Variants in SBF2 observed in about 807,000 individuals in gnomAD.
The protein encoded by SBF2 is myotubularin-related protein 13.
SBF2 carries 112 observed loss-of-function variants against 225.2 expected under a neutral mutation model. The ratio of observed to expected loss-of-function variants is 0.50; its 90% CI spans 0.43 to 0.58. SBF2 has a LOEUF of 0.58. Ranked by LOEUF, SBF2 falls within the 20% of genes least tolerant of loss-of-function variation. The pLI is 0.00. For missense variants in SBF2, 1,996 were observed against 2,206.2 expected (o/e 0.90, Z 1.91); for synonymous variants, 763 against 773.3 (o/e 0.99, Z 0.22).
intron 16 of SBF2, among the ~76,000 whole-genome samples, chr11:9,925,672 T>C (rs910422095): frequency 2.6e-5 from 4 of 152,250 alleles, no homozygotes; most frequent in Admixed American, 2.0e-4. Context: ...ATTAGACACA[T>C]TTCACCTAGT....
chr11:9,892,444 C>T (rs182236410), intron 17 of SBF2, among the ~76,000 whole-genome samples: 5 of 152,108 alleles, frequency 3.3e-5, no homozygotes, highest in African/African-American at 1.2e-4. Flanking sequence ...CTCATTCCCA[C>T]TCCTTTTCCC....
At chr11:9,983,800 C>T (rs750943979) in intron 13 of SBF2, among the ~76,000 whole-genome samples, 2 of 152,158 alleles carry the variant, frequency 1.3e-5, no homozygotes, top group Non-Finnish European at 2.9e-5. Context: ...CAGGGAGACT[C>T]GCTGGGTGGC....
intron 2 of SBF2, among the ~76,000 whole-genome samples, chr11:10,110,406 C>A (rs1952782063): frequency 6.6e-6 from 1 of 151,960 alleles, no homozygotes; most frequent in Non-Finnish European, 1.5e-5. Context: ...AATTTTAAAA[C>A]AATTTTTGCT....
chr11:10,200,828 TTA>T (rs1491413477), intron 1 of SBF2, among the ~76,000 whole-genome samples: 1 of 152,212 alleles, frequency 6.6e-6, no homozygotes, highest in Non-Finnish European at 1.5e-5. Flanking sequence ...TGGAAATTAA[TTA>T]TGTTATATTA....
chr11:9,908,785 C>T (rs1862334161), intron 16 of SBF2, among the ~76,000 whole-genome samples: 1 of 151,876 alleles, frequency 6.6e-6, no homozygotes, highest in South Asian at 2.1e-4. Context: ...GTAGCCTTGA[C>T]CTCCCGAGTT....
intron 26 of SBF2, among the ~76,000 whole-genome samples, chr11:9,832,734 C>T (rs972490578): frequency 1.3e-5 from 2 of 152,106 alleles, no homozygotes; most frequent in African/African-American, 4.8e-5. Flanking sequence ...AGCCATTGTG[C>T]CTGGCCAACA....
intron 17 of SBF2, among the ~76,000 whole-genome samples, chr11:9,880,084 TAAAAAA>T (rs58140393): frequency 3.8e-5 from 2 of 52,006 alleles, no homozygotes; most frequent in Non-Finnish European, 6.9e-5. Context: ...CTCTGTCTCA[TAAAAAA>T]AAAAAAAAAA....
At chr11:10,166,961 CCACACA>C (rs373552790) in intron 2 of SBF2, among the ~76,000 whole-genome samples, 6 of 125,902 alleles carry the variant, frequency 4.8e-5, no homozygotes, top group Non-Finnish European at 8.2e-5. Flanking sequence ...GACTCTGTCT[CCACACA>C]CACACACACA....
At chr11:9,835,131 T>C (rs1464610518) in intron 26 of SBF2, among the ~76,000 whole-genome samples, 1 of 152,160 alleles carries the variant, frequency 6.6e-6, no homozygotes, top group East Asian at 1.9e-4. Context: ...AGCTCTGGGC[T>C]CCACAGTTAA....
At chr11:9,922,075 C>T (rs1459674459) in intron 16 of SBF2, among the ~76,000 whole-genome samples, 2 of 151,470 alleles carry the variant, frequency 1.3e-5, no homozygotes, top group Non-Finnish European at 2.9e-5. Context: ...AGTGGGACTC[C>T]GATTGTACAA....
At chr11:10,132,747 C>A (rs535598759) in intron 2 of SBF2, among the ~76,000 whole-genome samples, 4 of 148,792 alleles carry the variant, frequency 2.7e-5, no homozygotes, top group Non-Finnish European at 5.9e-5. Flanking sequence ...AATGCTGGCT[C>A]GGGCAGCCTG....
chr11:9,945,097 T>C (rs981247509), intron 16 of SBF2, among the ~76,000 whole-genome samples: 5 of 151,944 alleles, frequency 3.3e-5, no homozygotes, highest in African/African-American at 1.2e-4. Flanking sequence ...AGAGCCAAGA[T>C]TCTATCTCAA....
intron 2 of SBF2, among the ~76,000 whole-genome samples, chr11:10,061,648 T>C (rs1950450177): frequency 6.6e-6 from 1 of 151,898 alleles, no homozygotes; most frequent in Non-Finnish European, 1.5e-5. Flanking sequence ...AGGTGAAAGA[T>C]CTCTACAATG....
chr11:9,902,119 A>T (rs902042906), intron 16 of SBF2, among the ~76,000 whole-genome samples: 21 of 152,328 alleles, frequency 1.4e-4, no homozygotes, highest in African/African-American at 4.8e-4. Context: ...CCATTAATGC[A>T]GCCAGGCCTT....
At chr11:10,007,531 T>A (rs1057329635) in intron 6 of SBF2, among the ~76,000 whole-genome samples, 1 of 152,186 alleles carries the variant, frequency 6.6e-6, no homozygotes, top group Non-Finnish European at 1.5e-5. Flanking sequence ...AAATCCCCTA[T>A]GTACAGGCCT....
At chr11:10,185,872 C>CATATAT (rs933710053) in intron 2 of SBF2, among the ~76,000 whole-genome samples, 1 of 152,050 alleles carries the variant, frequency 6.6e-6, no homozygotes, top group African/African-American at 2.4e-5. Context: ...CATACATACA[C>CATATAT]ATATATATAA....
chr11:9,845,374 A>G (rs1856464380), intron 24 of SBF2, among the ~76,000 whole-genome samples, 191 bp downstream of exon 24: 2 of 152,224 alleles, frequency 1.3e-5, no homozygotes, highest in African/African-American at 4.8e-5. Flanking sequence ...GGTAGCTTTT[A>G]GTTTTTGAAA....
intron 28 of SBF2, among the ~76,000 whole-genome samples, chr11:9,825,166 G>A (rs549162407): frequency 3.9e-5 from 6 of 152,070 alleles, no homozygotes; most frequent in African/African-American, 1.4e-4. Context: ...GAGTAGAATG[G>A]GCCCCTAATT....
At position 10,230,701 on chromosome 11, in the gene SBF2, C is replaced by G. The variant is rs568543258; in HGVS notation, c.56-36714G>C. Among the ~76,000 whole-genome samples, 3 of 152,234 alleles carry G rather than the reference C, an allele frequency of 2.0e-5. No homozygotes were observed. The East Asian group carries it at 5.8e-4, about 29-fold the overall frequency. ...ATCCGCTGTTAGTCTGATGGGCTTC[C>G]CTTTGTGGGTAACCCGACCTTTCTC... is the stretch of plus-strand genomic sequence containing the variant. On this transcript the variant is annotated intron_variant, in intron 1 of 39. Coordinates refer to ENST00000256190, the MANE Select transcript of SBF2 (RefSeq NM_030962.4).
Sources: gnomAD v4.1 joint callset for allele counts (sites outside exome capture counted in the v4.1 genomes callset) on GRCh38, gnomAD v4.1.1 for gene constraint, MANE v1.5 for transcripts, NCBI Gene and HGNC (gene_info 2026-07-23, HGNC 2026-07-21) for gene names.